NCKAP5: variants seen among roughly 807,000 people sequenced by gnomAD.
NCKAP5 encodes the protein nck-associated protein 5.
Under a neutral mutation model 167.0 loss-of-function variants are expected in NCKAP5, and 92 were observed. The observed-to-expected ratio is 0.55, with a 90% CI of 0.47 to 0.66. The LOEUF is 0.66. NCKAP5 is among the 30% of genes least tolerant of loss of function. NCKAP5 has a pLI of 0.00. For synonymous variants in NCKAP5, 891 were observed against 877.4 expected, an observed-to-expected ratio of 1.02 and a Z score of -0.27; for missense variants, 2,378 against 2,315.0, an observed-to-expected ratio of 1.03 and a Z score of -0.56.
At chr2:133,109,508 T>C (rs549707069) in intron 6 of NCKAP5, among the ~76,000 whole-genome samples, 2 of 152,272 alleles carry the variant, frequency 1.3e-5, no homozygotes, top group Admixed American at 6.5e-5. Context: ...GAAGGATATA[T>C]AGGAAGTAGA....
chr2:133,669,724 G>A, the NCKAP5 span, among the ~76,000 whole-genome samples: 5 of 152,102 alleles, frequency 3.3e-5, no homozygotes, highest in East Asian at 3.9e-4. Flanking sequence ...GTCCAATTAC[G>A]AGAGAAATAT....
At chr2:133,129,401 C>T (rs1247711551) in intron 6 of NCKAP5, among the ~76,000 whole-genome samples, 1 of 152,114 alleles carries the variant, frequency 6.6e-6, no homozygotes, top group African/African-American at 2.4e-5. Flanking sequence ...CAGTTTCATC[C>T]ATGTCCCTAC....
chr2:132,956,134 G>A (rs1558986860), intron 8 of NCKAP5, among the ~76,000 whole-genome samples: 1 of 152,106 alleles, frequency 6.6e-6, no homozygotes, highest in Non-Finnish European at 1.5e-5. Flanking sequence ...TGATGGATAT[G>A]TTAACTAGCT....
the NCKAP5 span, among the ~76,000 whole-genome samples, chr2:133,634,878 T>G: frequency 1.3e-5 from 2 of 151,850 alleles, no homozygotes. Context: ...TTCTTTCTTT[T>G]TTTTTTTTAG....
At chr2:133,260,473 T>C (rs569558430) in intron 4 of NCKAP5, among the ~76,000 whole-genome samples, 1 of 152,312 alleles carries the variant, frequency 6.6e-6, no homozygotes, top group South Asian at 2.1e-4. Context: ...AACATTCTTA[T>C]TAAAGATCAA....
At chr2:133,134,567 A>G (rs2082721425) in intron 5 of NCKAP5, among the ~76,000 whole-genome samples, 2 of 152,250 alleles carry the variant, frequency 1.3e-5, no homozygotes, top group Admixed American at 1.3e-4. Context: ...GAATTCCAAA[A>G]TACTTTTCCT....
chr2:133,545,070 C>T (rs35187072), intron 2 of NCKAP5, among the ~76,000 whole-genome samples: 41,810 of 151,966 alleles, frequency 0.28, 6,281 homozygotes, highest in East Asian at 0.38. Flanking sequence ...CCCTACAAAA[C>T]GAGGGCTTAT....
chr2:132,783,918 CTG>C lies in NCKAP5; in HGVS notation c.2891_2892del (p.Thr964SerfsTer21). 6.4e-7 allele frequency: 1 copy of C among 1,564,424 alleles called. No homozygotes were observed. The highest frequency in any genetic ancestry group is 8.6e-7 in the Non-Finnish European group (1 of 1,160,164). On this transcript the variant is annotated frameshift_variant, in exon 14 of 20. Transcript: ENST00000409261. LOFTEE classifies it high-confidence loss of function. ...TKSETRVPSE[T>X]ARTPFKSPLL... ...AGCGGGGATTTGAATGGGGTCCTTG[CTG>C]TTTCACTGGGGACCCTGGTTTCGGA...
chr2:132,972,007 T>G (rs2149238835), intron 7 of NCKAP5, among the ~76,000 whole-genome samples: 1 of 152,172 alleles, frequency 6.6e-6, no homozygotes, highest in Admixed American at 6.5e-5. Flanking sequence ...GCTTTTGAGG[T>G]TGCACATTTG....
intron 6 of NCKAP5, among the ~76,000 whole-genome samples, chr2:133,055,421 C>T (rs2079761567): frequency 6.6e-6 from 1 of 151,122 alleles, no homozygotes; most frequent in Non-Finnish European, 1.5e-5. Flanking sequence ...GGTCAGCCAC[C>T]TTGAAAACGC....
chr2:132,840,924 T>C (rs1024178641), intron 11 of NCKAP5, among the ~76,000 whole-genome samples: 3 of 152,320 alleles, frequency 2.0e-5, no homozygotes, highest in Admixed American at 2.0e-4. Flanking sequence ...TGTGTATAAT[T>C]GGACCCATGC....
intron 19 of NCKAP5, among the ~76,000 whole-genome samples, chr2:132,702,294 T>C (rs1687959576): frequency 6.6e-6 from 1 of 152,170 alleles, no homozygotes; most frequent in Non-Finnish European, 1.5e-5. Context: ...AGAGGATGGC[T>C]GCTCCCTGGC....
chr2:133,599,616 C>A, the NCKAP5 span, among the ~76,000 whole-genome samples: 1 of 152,084 alleles, frequency 6.6e-6, no homozygotes, highest in Non-Finnish European at 1.5e-5. Flanking sequence ...ACTTCACTGA[C>A]CTAAAGCAGG....
intron 3 of NCKAP5, among the ~76,000 whole-genome samples, chr2:133,464,430 C>G (rs907733868): frequency 1.7e-5 from 1 of 59,092 alleles, no homozygotes; most frequent in Non-Finnish European, 3.1e-5. Flanking sequence ...GTGGCTCACA[C>G]CTGTAATCCC....
At chr2:133,039,194 T>C (rs1450267296) in intron 6 of NCKAP5, among the ~76,000 whole-genome samples, 2 of 152,186 alleles carry the variant, frequency 1.3e-5, no homozygotes, top group African/African-American at 4.8e-5. Flanking sequence ...GGTTTTTAAG[T>C]GTCTCAGCAA....
intron 4 of NCKAP5, among the ~76,000 whole-genome samples, chr2:133,216,912 G>A (rs2086452758): frequency 6.6e-6 from 1 of 152,032 alleles, no homozygotes; most frequent in South Asian, 2.1e-4. Context: ...GTATGTGCAT[G>A]TACTACTTTG....
intron 15 of NCKAP5, among the ~76,000 whole-genome samples, chr2:132,775,007 T>G (rs1326809009): frequency 6.6e-6 from 1 of 152,098 alleles, no homozygotes; most frequent in East Asian, 1.9e-4. Flanking sequence ...TTGGACTCAG[T>G]ATCAAGACAA....
intron 3 of NCKAP5, among the ~76,000 whole-genome samples, chr2:133,420,833 G>GGTAAGGCAAAT (rs1217551564): frequency 6.6e-6 from 1 of 152,154 alleles, no homozygotes; most frequent in East Asian, 1.9e-4. Context: ...CACTTGCGAA[G>GGTAAGGCAAAT]CTGAGTTCTG....
At chr2:133,561,408 T>G (rs76763422) in intron 1 of NCKAP5, among the ~76,000 whole-genome samples, 9,504 of 152,236 alleles carry the variant, frequency 0.062, 344 homozygotes, top group East Asian at 0.12. Flanking sequence ...AGGAAAGAAA[T>G]AAATGTCATT....
Sources: allele counts gnomAD v4.1 joint callset (sites outside exome capture counted in the v4.1 genomes callset), GRCh38; gene constraint gnomAD v4.1.1; transcripts MANE v1.5; gene names NCBI Gene and HGNC (gene_info 2026-07-23, HGNC 2026-07-21).